ADGRB3: variants seen among roughly 807,000 people sequenced by gnomAD.
ADGRB3 encodes brain-specific angiogenesis inhibitor 3.
ADGRB3 carries 37 observed loss-of-function variants against 193.4 expected under a neutral mutation model. The ratio of observed to expected loss-of-function variants is 0.19; its 90% confidence interval spans 0.15 to 0.25. The LOEUF (loss-of-function observed/expected upper bound fraction) is 0.25, where lower values mean the gene tolerates loss of function less well. Among genes scored for constraint, ADGRB3 ranks in the 10% least tolerant of loss-of-function variants. ADGRB3 has a pLI of 1.00. For missense variants in ADGRB3, 1,637 were observed against 1,852.9 expected, an observed-to-expected ratio of 0.88 and a Z score of 2.14; for synonymous variants, 690 against 644.2, an observed-to-expected ratio of 1.07 and a Z score of -1.08.
At chr6:68,773,451 A>G (rs1165603029) in intron 3 of ADGRB3, among the ~76,000 whole-genome samples, 1 of 152,176 alleles carries the variant, frequency 6.6e-6, no homozygotes, top group African/African-American at 2.4e-5. Context: ...AAACCTTGAG[A>G]GAACCCATTA....
chr6:68,703,425 T>C (rs1174401769), intron 3 of ADGRB3, among the ~76,000 whole-genome samples: 4 of 152,106 alleles, frequency 2.6e-5, no homozygotes, highest in Non-Finnish European at 5.9e-5. Context: ...AAGGTCAGAT[T>C]CAGACTTGAA....
At chr6:69,217,591 G>A (rs1279381729) in intron 17 of ADGRB3, among the ~76,000 whole-genome samples, 1 of 152,170 alleles carries the variant, frequency 6.6e-6, no homozygotes, top group Non-Finnish European at 1.5e-5. Context: ...TGCAAGGAAA[G>A]GAAGCAGGGT....
At chr6:68,951,350 C>T (rs781397389) in intron 6 of ADGRB3, among the ~76,000 whole-genome samples, 6 of 152,070 alleles carry the variant, frequency 3.9e-5, no homozygotes, top group South Asian at 2.1e-4. Flanking sequence ...CTAATATCGT[C>T]GTCTCCTGAG....
chr6:68,852,473 A>T (rs1768424274), intron 3 of ADGRB3, among the ~76,000 whole-genome samples: 1 of 152,008 alleles, frequency 6.6e-6, no homozygotes, highest in African/African-American at 2.4e-5. Flanking sequence ...TATACACACA[A>T]TAACTTGTAT....
intron 3 of ADGRB3, among the ~76,000 whole-genome samples, chr6:68,815,638 T>TGTGTGGGTGGGTGG (rs146536913): frequency 1.3e-5 from 2 of 149,408 alleles, no homozygotes; most frequent in South Asian, 2.1e-4. Context: ...TGTGTGTGTG[T>TGTGTGGGTGGGTGG]GTGCATGTAG....
intron 17 of ADGRB3, among the ~76,000 whole-genome samples, chr6:69,209,228 A>G (rs569909305): frequency 6.6e-6 from 1 of 152,172 alleles, no homozygotes; most frequent in South Asian, 2.1e-4. Flanking sequence ...CTTTCAGGTC[A>G]CTTGCTAAAT....
At chr6:69,003,848 G>A (rs1279281823) in intron 11 of ADGRB3, among the ~76,000 whole-genome samples, 4 of 152,170 alleles carry the variant, frequency 2.6e-5, no homozygotes, top group African/African-American at 9.7e-5. Flanking sequence ...AAGCTCCATA[G>A]AAGAGCCCGG....
chr6:68,814,074 T>A (rs939464451), intron 3 of ADGRB3, among the ~76,000 whole-genome samples: 1 of 152,198 alleles, frequency 6.6e-6, no homozygotes, highest in Non-Finnish European at 1.5e-5. Flanking sequence ...ATATACCCAG[T>A]AATGGGATGG....
At chr6:69,250,381 T>C (rs191914256) in intron 20 of ADGRB3, among the ~76,000 whole-genome samples, 4 of 152,344 alleles carry the variant, frequency 2.6e-5, no homozygotes, top group Admixed American at 6.5e-5. Flanking sequence ...AAATTTGTTA[T>C]ATATTTTCAA....
chr6:68,720,016 T>A (rs1374678575), intron 3 of ADGRB3, among the ~76,000 whole-genome samples: 8 of 151,734 alleles, frequency 5.3e-5, no homozygotes. Flanking sequence ...TTACCATTGT[T>A]CCACTTGCGT....
At chr6:69,190,563 T>C (rs1765165995) in intron 17 of ADGRB3, among the ~76,000 whole-genome samples, 1 of 152,250 alleles carries the variant, frequency 6.6e-6, no homozygotes, top group South Asian at 2.1e-4. Flanking sequence ...TATAACTATG[T>C]AACAAAGTAA....
At chr6:68,994,929 C>G (rs1285072996) in intron 11 of ADGRB3, among the ~76,000 whole-genome samples, 6 of 152,024 alleles carry the variant, frequency 3.9e-5, no homozygotes, top group Non-Finnish European at 8.8e-5. Flanking sequence ...AAGAGGAAAA[C>G]AAGACTTTTT....
At chr6:69,312,623 G>A (rs1240255866) in intron 20 of ADGRB3, among the ~76,000 whole-genome samples, 1 of 151,594 alleles carries the variant, frequency 6.6e-6, no homozygotes, top group African/African-American at 2.4e-5. Flanking sequence ...AGAGGTCTGA[G>A]GACAGGATTA....
At chr6:69,262,010 T>C (rs907893184) in intron 20 of ADGRB3, among the ~76,000 whole-genome samples, 5 of 152,072 alleles carry the variant, frequency 3.3e-5, no homozygotes, top group Admixed American at 2.0e-4. Context: ...ATGAATTCTG[T>C]ATCTCTTGTG....
At chr6:68,813,604 G>A (rs1212501852) in intron 3 of ADGRB3, among the ~76,000 whole-genome samples, 1 of 151,586 alleles carries the variant, frequency 6.6e-6, no homozygotes, top group Non-Finnish European at 1.5e-5. Flanking sequence ...TGTGCACAAC[G>A]TGCAGGTTTG....
At chr6:68,706,594 C>T (rs1765329304) in intron 3 of ADGRB3, among the ~76,000 whole-genome samples, 1 of 152,134 alleles carries the variant, frequency 6.6e-6, no homozygotes, top group African/African-American at 2.4e-5. Flanking sequence ...TGACCTTGGG[C>T]AAGTTACTTA....
chr6:69,329,292 T>C (rs1167568791), intron 22 of ADGRB3, among the ~76,000 whole-genome samples: 1 of 152,148 alleles, frequency 6.6e-6, no homozygotes, highest in Non-Finnish European at 1.5e-5. Context: ...TAAAAATAGA[T>C]ATTAAAGTGG....
At chr6:69,325,923 G>C (rs1205633376) in intron 21 of ADGRB3, among the ~76,000 whole-genome samples, 1 of 152,174 alleles carries the variant, frequency 6.6e-6, no homozygotes, top group Non-Finnish European at 1.5e-5. Context: ...TGAAGAGTAG[G>C]CCAGACATGG....
At chr6:68,948,542 A>G (rs1019954820) in intron 6 of ADGRB3, among the ~76,000 whole-genome samples, 13 of 152,150 alleles carry the variant, frequency 8.5e-5, no homozygotes, top group African/African-American at 3.1e-4. Flanking sequence ...CACTTCGGGG[A>G]ACATAAAAAG....
Sources: gnomAD v4.1 joint callset for allele counts (sites outside exome capture counted in the v4.1 genomes callset) on GRCh38, gnomAD v4.1.1 for gene constraint, MANE v1.5 for transcripts, NCBI Gene and HGNC (gene_info 2026-07-23, HGNC 2026-07-21) for gene names.